WASHC4: variants seen among roughly 807,000 people sequenced by gnomAD.
WASHC4 encodes WASH complex subunit 7.
Under a neutral mutation model 166.6 loss-of-function variants are expected in WASHC4, and 86 were observed. The observed-to-expected ratio is 0.52, with a 90% CI of 0.43 to 0.62. WASHC4 has a LOEUF of 0.62. Among genes scored for constraint, WASHC4 ranks in the 20% least tolerant of loss-of-function variants. WASHC4 has a pLI of 0.00. For missense variants in WASHC4, 1,262 were observed against 1,382.4 expected, an observed-to-expected ratio of 0.91 and a Z score of 1.38; for synonymous variants, 446 against 451.6, an observed-to-expected ratio of 0.99 and a Z score of 0.16.
chr12:105,155,454 C>T (rs1401020882), intron 26 of WASHC4, among the ~76,000 whole-genome samples: 4 of 150,034 alleles, frequency 2.7e-5, no homozygotes, highest in Admixed American at 2.0e-4. Context: ...AGTGGCAGGG[C>T]ATGCTATCTG....
In WASHC4 at chr12:105,126,356, T is replaced by C. The variant is rs369193990; in HGVS notation, c.1032T>C (p.Cys344=). Residue 344 remains cysteine, a synonymous_variant, in exon 12 of 33, where the codon TGT becomes TGC. Transcript: ENST00000332180. ...KKFYKSLLDI[C]KKVPAITLTA... is the part of the protein sequence containing the mutation. ...TTTATAAGTCTTTATTGGACATTTGTAAGAAGGTAAGAACTTGAAACTTAT... is the reference window on the plus strand; with the variant it reads ...TTTATAAGTCTTTATTGGACATTTGCAAGAAGGTAAGAACTTGAAACTTAT... 3 of 1,570,388 alleles carry C rather than the reference T, an allele frequency of 1.9e-6. No homozygotes were observed. Among genetic ancestry groups the C allele is most frequent in the Non-Finnish European group, 2.6e-6 (3 of 1,143,196 alleles).
chr12:105,133,122 GCCTTCCACAAATC>G (rs936582548), intron 13 of WASHC4, among the ~76,000 whole-genome samples: 1 of 151,888 alleles, frequency 6.6e-6, no homozygotes, highest in African/African-American at 2.4e-5. Flanking sequence ...TCCTTGTAAG[GCCTTCCACAAATC>G]CCTTCCCCAT....
At chr12:105,114,888 T>C (rs762455025) in intron 4 of WASHC4, among the ~76,000 whole-genome samples, 11 of 152,092 alleles carry the variant, frequency 7.2e-5, no homozygotes, top group Non-Finnish European at 1.5e-4. Context: ...TCCTGCTTTT[T>C]GATACCATGT....
rs184902001 is a variant in WASHC4, at chr12:105,153,393, A to G, written c.2758+942A>G. Reference sequence around the variant, plus strand: ...GGAGTAAAGTTTTTTCAGTTAATTGATTTGCATATTAGACATTTCTATTAT... The same window carrying G: ...GGAGTAAAGTTTTTTCAGTTAATTGGTTTGCATATTAGACATTTCTATTAT... On this transcript the variant is annotated intron_variant, in intron 26 of 32. Coordinates refer to ENST00000332180, the MANE Select transcript of WASHC4 (RefSeq NM_015275.3). Among the ~76,000 whole-genome samples, 196 of 152,284 alleles carry G rather than the reference A, an allele frequency of 1.3e-3. 1 individual carries two copies. Among genetic ancestry groups the G allele is most frequent in the African/African-American group, 4.0e-3 (167 of 41,560 alleles).
At chr12:105,129,962 T>C (rs1481850893) in intron 13 of WASHC4, among the ~76,000 whole-genome samples, 2 of 152,160 alleles carry the variant, frequency 1.3e-5, no homozygotes, top group Non-Finnish European at 2.9e-5. Context: ...GTTTATGGAG[T>C]GCTTACTATA....
intron 16 of WASHC4, 36 bp from the exon 17 acceptor site, chr12:105,140,863 C>T: frequency 6.2e-6 from 10 of 1,600,902 alleles, no homozygotes; most frequent in Non-Finnish European, 8.5e-6. Context: ...TTGTTACTGC[C>T]TCAGAAACAA....
At chr12:105,161,846 C>T (rs1884515540) in intron 29 of WASHC4, among the ~76,000 whole-genome samples, 1 of 152,192 alleles carries the variant, frequency 6.6e-6, no homozygotes, top group African/African-American at 2.4e-5. Context: ...TGCATTTACT[C>T]TTCTAGAGCT....
At position 105,125,998 on chromosome 12, in the gene WASHC4, G is replaced by A. The variant is rs1484996826; in HGVS notation, c.787-6G>A. The A allele has an allele frequency of 1.2e-6, 2 of 1,611,156 alleles. No individual in the cohort carries two copies. The highest frequency in any genetic ancestry group is 1.7e-6 in the Non-Finnish European group (2 of 1,177,938). On this transcript the variant is annotated splice_region_variant and splice_polypyrimidine_tract_variant and intron_variant, in intron 10 of 32. Transcript: ENST00000332180. ...CTGAATTTCTCTTTCAATGTTTCCT[G>A]TCTAGGCCTGTATAGAACAACAATT...
rs190453228 is a variant in WASHC4 at position 105,168,907 on chromosome 12, T to C, written c.*1976T>C. 2 of 152,650 alleles carry C rather than the reference T, an allele frequency of 1.3e-5. No homozygotes were observed. Among genetic ancestry groups the C allele is most frequent in the African/African-American group, 4.8e-5 (2 of 41,566 alleles). The allele number at this position is 152,650 out of a possible 1,614,324, so 9.5% of individuals were successfully genotyped here. ...AACATTAATTTTATTTTTTCAGACA[T>C]ACTGTAATTTAAAAATTAATGTGAG... On this transcript the variant is annotated 3_prime_UTR_variant, in exon 33 of 33. Transcript: ENST00000332180.
At chr12:105,149,568 A>T (rs765882400) in intron 24 of WASHC4, 47 bp from the exon 25 acceptor site, 1 of 1,198,858 alleles carries the variant, frequency 8.3e-7, no homozygotes, top group Non-Finnish European at 1.2e-6. Context: ...GATTTGAATT[A>T]ATTTTTATAT....
rs759274461 is a variant in WASHC4 at position 105,141,048 on chromosome 12, A to G, written c.1707+3A>G. 2 of 1,614,108 alleles carry G rather than the reference A, an allele frequency of 1.2e-6. No individual in the cohort carries two copies. Among genetic ancestry groups the G allele is most frequent in the Admixed American group, 3.3e-5 (2 of 60,014 alleles). ...CACTAAGTGTTGGCACACAAATGGT[A>G]AGTGTATTGCTATTACTTATGGAAC... is the stretch of plus-strand genomic sequence containing the variant. On this transcript the variant is annotated splice_donor_region_variant and intron_variant, in intron 17 of 32. Coordinates refer to ENST00000332180, the MANE Select transcript of WASHC4 (RefSeq NM_015275.3).
intron 15 of WASHC4, among the ~76,000 whole-genome samples, chr12:105,139,425 G>GTGTGTGTA: frequency 3.6e-4 from 37 of 103,226 alleles, no homozygotes; most frequent in African/African-American, 1.3e-3. Context: ...ATGTGTGTGT[G>GTGTGTGTA]TATATATATA....
At chr12:105,122,632 C>T (rs981765497) in intron 10 of WASHC4, among the ~76,000 whole-genome samples, 2 of 151,782 alleles carry the variant, frequency 1.3e-5, no homozygotes, top group Non-Finnish European at 2.9e-5. Flanking sequence ...GTCATTTTTC[C>T]AACAGCATGT....
At chr12:105,149,496 T>A (rs897419428) in intron 24 of WASHC4, 119 bp from the exon 25 acceptor site, 133 of 975,022 alleles carry the variant, frequency 1.4e-4, no homozygotes, top group Non-Finnish European at 1.7e-4. Flanking sequence ...ATAGACTTTT[T>A]AAATAGTACT....
At position 105,167,104 on chromosome 12, in the gene WASHC4, TCTA is replaced by T; in HGVS notation, c.*176_*178del. The T allele has an allele frequency of 1.7e-6, 1 of 597,874 alleles. No individual in the cohort carries two copies. The highest frequency in any genetic ancestry group is 2.0e-5 in the South Asian group (1 of 50,422). The allele number at this position is 597,874 out of a possible 1,614,324, so 37.0% of individuals were successfully genotyped here. ...TGAAGTTCATTCTGTTTCCAAAGGC[TCTA>T]CTTTCAAAGGTTAAGAATGAGATTT... On this transcript the variant is annotated 3_prime_UTR_variant, in exon 33 of 33. Transcript: ENST00000332180.
intron 8 of WASHC4, 137 bp from the exon 9 acceptor site, chr12:105,120,964 C>A: frequency 1.4e-6 from 1 of 691,564 alleles, no homozygotes; most frequent in South Asian, 1.6e-5. Context: ...AGGATCCAAC[C>A]TGTAGCTGAA....
Position 105,107,838 on chromosome 12 carries a change from A to C in WASHC4, c.38A>C (p.Asp13Ala), listed in dbSNP as rs1879223055. The C allele has an allele frequency of 6.4e-7, 1 of 1,550,758 alleles. No homozygotes were observed. The change falls in exon 1 of 33, where the codon GAC (aspartate) becomes GCC (alanine). Residue 13 changes from aspartate (D) to alanine (A), a missense_variant. Asp to Ala is a moderately radical substitution (Grantham distance 126). Coordinates refer to ENST00000332180, the MANE Select transcript of WASHC4 (RefSeq NM_015275.3). ...ACTCTGTCCCCGGACTGGGAGTTTG[A>C]CCGCGTTGACGACGGCTCGCAGAGT... ...VETLSPDWEF[D>A]RVDDGSQKIH...
intron 20 of WASHC4, among the ~76,000 whole-genome samples, chr12:105,143,671 A>G (rs1883050142): frequency 1.3e-5 from 2 of 151,950 alleles, no homozygotes; most frequent in South Asian, 4.1e-4. Context: ...TCCAATATGT[A>G]TGCCCCTCCT....
At chr12:105,145,937 T>TGCC (rs1359239403) in intron 22 of WASHC4, among the ~76,000 whole-genome samples, 1 of 152,168 alleles carries the variant, frequency 6.6e-6, no homozygotes, top group Non-Finnish European at 1.5e-5. Flanking sequence ...GCCCTGCTGC[T>TGCC]GCCTAGCTAT....
Sources: allele counts gnomAD v4.1 joint callset (sites outside exome capture counted in the v4.1 genomes callset), GRCh38; gene constraint gnomAD v4.1.1; transcripts MANE v1.5; gene names NCBI Gene and HGNC (gene_info 2026-07-23, HGNC 2026-07-21).